Variants in CADPS observed in about 807,000 individuals in gnomAD.
The protein encoded by CADPS is calcium-dependent secretion activator 1.
In CADPS, 57 loss-of-function variants were observed where a neutral mutation model predicts 167.3. The observed-to-expected ratio is 0.34, with a 90% CI of 0.28 to 0.42. CADPS has a LOEUF of 0.42. Ranked by LOEUF, CADPS falls within the 20% of genes least tolerant of loss-of-function variation. The probability of loss-of-function intolerance (pLI) is 1.00; values close to 1 mark genes in which losing one functional copy is unlikely to be tolerated. For synonymous variants in CADPS, 676 were observed against 635.3 expected (o/e 1.06, Z -0.96); for missense variants, 1,414 against 1,738.1 (o/e 0.81, Z 3.32).
chr3:62,811,159 T>C (rs910363206), intron 1 of CADPS, among the ~76,000 whole-genome samples: 1 of 152,154 alleles, frequency 6.6e-6, no homozygotes, highest in Non-Finnish European at 1.5e-5. Context: ...GGAAAGCACA[T>C]TTGAATAAAT....
chr3:62,655,492 C>T (rs776931401), intron 4 of CADPS, among the ~76,000 whole-genome samples: 6 of 152,150 alleles, frequency 3.9e-5, no homozygotes, highest in Non-Finnish European at 8.8e-5. Context: ...GACAGCCTCC[C>T]AAGGACAATT....
chr3:62,874,202 G>A lies in CADPS; in HGVS notation c.441+387C>T, dbSNP rs1432314039. Among the ~76,000 whole-genome samples, 1 of 152,050 alleles carries A rather than the reference G, an allele frequency of 6.6e-6. No individual in the cohort carries two copies. The highest frequency in any genetic ancestry group is 2.4e-5 in the African/African-American group (1 of 41,420). Reference sequence around the variant, plus strand: ...GGCCCGGAGTTGAGCGCAGCCGCCCGCCGCTGGAGAGCGCTGGGAGCCCTG... The same window carrying A: ...GGCCCGGAGTTGAGCGCAGCCGCCCACCGCTGGAGAGCGCTGGGAGCCCTG... On this transcript the variant is annotated intron_variant, in intron 1 of 29. Transcript: ENST00000383710. The surrounding 1 kb of genome is among the most constrained non-coding windows in gnomAD (Gnocchi z 7.1).
intron 1 of CADPS, among the ~76,000 whole-genome samples, chr3:62,860,084 G>A (rs575859149): frequency 3.9e-5 from 6 of 152,252 alleles, no homozygotes; most frequent in Admixed American, 1.3e-4. Flanking sequence ...CTACCTTTCC[G>A]ATCATGTGGC....
intron 6 of CADPS, among the ~76,000 whole-genome samples, chr3:62,595,910 C>T (rs1231043253): frequency 6.6e-6 from 1 of 152,112 alleles, no homozygotes; most frequent in East Asian, 1.9e-4. Flanking sequence ...AGCCTTCCAG[C>T]AGCCTATATC....
At chr3:62,570,437 C>G (rs2081076512) in intron 9 of CADPS, among the ~76,000 whole-genome samples, 1 of 152,062 alleles carries the variant, frequency 6.6e-6, no homozygotes, top group African/African-American at 2.4e-5. Flanking sequence ...CTCATAATGC[C>G]TATCTCAGTT....
At chr3:62,580,477 C>T (rs570655769) in intron 8 of CADPS, among the ~76,000 whole-genome samples, 47 of 151,922 alleles carry the variant, frequency 3.1e-4, no homozygotes, top group Middle Eastern at 6.8e-3. Context: ...AGGAGATATA[C>T]CTAATGCTAA....
chr3:62,761,026 A>G (rs2097387776), intron 2 of CADPS, among the ~76,000 whole-genome samples: 1 of 152,118 alleles, frequency 6.6e-6, no homozygotes. Context: ...TCTTGAGTTC[A>G]CATTCCGAGT....
chr3:62,679,592 G>A (rs1273436418), intron 3 of CADPS, among the ~76,000 whole-genome samples: 1 of 151,904 alleles, frequency 6.6e-6, no homozygotes, highest in Non-Finnish European at 1.5e-5. Flanking sequence ...CACACAGTGG[G>A]ACCAATGGAG....
chr3:62,406,541 T>C (rs1268619789), intron 28 of CADPS, among the ~76,000 whole-genome samples: 5 of 152,218 alleles, frequency 3.3e-5, no homozygotes, highest in Non-Finnish European at 4.4e-5. Context: ...TCTAAGTCTG[T>C]AGAAATAAGA....
intron 2 of CADPS, among the ~76,000 whole-genome samples, chr3:62,757,695 G>A (rs1018105583): frequency 1.3e-5 from 2 of 152,146 alleles, no homozygotes; most frequent in African/African-American, 4.8e-5. Flanking sequence ...GTTGAGTGAT[G>A]TATTAGTCTG....
chr3:62,764,505 G>C (rs2086346793), intron 2 of CADPS, among the ~76,000 whole-genome samples: 1 of 152,182 alleles, frequency 6.6e-6, no homozygotes, highest in Admixed American at 6.5e-5. Context: ...AGGAGTCTGT[G>C]GTTGGTCCCA....
chr3:62,767,580 C>T (rs2087251142), intron 1 of CADPS, among the ~76,000 whole-genome samples: 1 of 152,012 alleles, frequency 6.6e-6, no homozygotes, highest in Admixed American at 6.6e-5. Context: ...TTGACTCAGT[C>T]AAGAAACAAA....
intron 3 of CADPS, among the ~76,000 whole-genome samples, chr3:62,687,812 C>G (rs1277172216): frequency 7.0e-6 from 1 of 142,716 alleles, no homozygotes; most frequent in Admixed American, 7.2e-5. Flanking sequence ...TCTTTTTCTA[C>G]AACTAATAAA....
intron 3 of CADPS, among the ~76,000 whole-genome samples, chr3:62,699,443 G>A (rs543156012): frequency 6.6e-6 from 1 of 152,256 alleles, no homozygotes; most frequent in South Asian, 2.1e-4. Context: ...TAATCTAAGT[G>A]AACTGAGGTG....
In CADPS at chr3:62,478,241, G is replaced by C. The variant is rs373726630; in HGVS notation, c.3329+20C>G. The C allele has an allele frequency of 7.4e-6, 12 of 1,612,926 alleles. No homozygotes were observed. Among genetic ancestry groups the C allele is most frequent in the Non-Finnish European group, 1.0e-5 (12 of 1,179,562 alleles). On this transcript the variant is annotated intron_variant, in intron 23 of 29. Coordinates refer to ENST00000383710, the MANE Select transcript of CADPS (RefSeq NM_003716.4). This position sits in a 1 kb window ranked among gnomAD's most constrained non-coding sequence, Gnocchi z 5.7. ...ATGGTGGGGAGGGTGTGCAGAACCT[G>C]TCCAGCCACCTATACTTACCTTTTG...
chr3:62,780,954 A>C (rs2091454432), intron 1 of CADPS, among the ~76,000 whole-genome samples: 1 of 152,194 alleles, frequency 6.6e-6, no homozygotes, highest in South Asian at 2.1e-4. Flanking sequence ...AGTGCTATCC[A>C]ATAAATGTTA....
At chr3:62,603,530 C>T (rs966876215) in intron 6 of CADPS, among the ~76,000 whole-genome samples, 10 of 152,168 alleles carry the variant, frequency 6.6e-5, no homozygotes, top group African/African-American at 2.4e-4. Context: ...CATCTCAGTG[C>T]TTATTTTCTC....
intron 28 of CADPS, among the ~76,000 whole-genome samples, chr3:62,434,365 T>C (rs1410838530): frequency 6.6e-6 from 1 of 152,172 alleles, no homozygotes; most frequent in Non-Finnish European, 1.5e-5. Flanking sequence ...TTGTCTTGGA[T>C]TGGTTAGTTT....
chr3:62,629,848 C>T (rs1048620298), intron 6 of CADPS, among the ~76,000 whole-genome samples: 14 of 148,966 alleles, frequency 9.4e-5, no homozygotes, highest in African/African-American at 2.7e-4. Flanking sequence ...TGCTTTTTTT[C>T]TTCCTTGACT....
Sources: allele counts gnomAD v4.1 joint callset (sites outside exome capture counted in the v4.1 genomes callset), GRCh38; gene constraint gnomAD v4.1.1; non-coding constraint Gnocchi (gnomAD v3.1); transcripts MANE v1.5; gene names NCBI Gene and HGNC (gene_info 2026-07-23, HGNC 2026-07-21).